KYNU: variants seen among roughly 807,000 people sequenced by gnomAD.
The protein encoded by KYNU is L-kynurenine hydrolase.
In KYNU, 54 loss-of-function variants were observed where a neutral mutation model predicts 59.2. That is an observed-to-expected ratio of 0.91 (90% CI 0.73 to 1.14). KYNU has a LOEUF of 1.14. Ranked by LOEUF, KYNU falls within the 50% of genes most tolerant of loss-of-function variation. KYNU has a pLI of 0.00. For synonymous variants in KYNU, 177 were observed against 192.0 expected (o/e 0.92, Z 0.65); for missense variants, 567 against 554.4 (o/e 1.02, Z -0.23).
At chr2:142,948,847 T>C (rs920146745) in intron 4 of KYNU, among the ~76,000 whole-genome samples, 1 of 152,186 alleles carries the variant, frequency 6.6e-6, no homozygotes, top group African/African-American at 2.4e-5. Flanking sequence ...CTTAACTCAT[T>C]CCAGCATTAA....
chr2:142,900,761 T>C (rs1309639051), intron 2 of KYNU, among the ~76,000 whole-genome samples: 1 of 152,100 alleles, frequency 6.6e-6, no homozygotes, highest in African/African-American at 2.4e-5. Flanking sequence ...TCCTGCTGAA[T>C]TGGGGTGTAG....
intron 10 of KYNU, among the ~76,000 whole-genome samples, chr2:143,022,383 CATA>C (rs1417197173): frequency 6.6e-6 from 1 of 151,940 alleles, no homozygotes; most frequent in East Asian, 1.9e-4. Flanking sequence ...CCCTACTGTT[CATA>C]ATGTGTTGTT....
At position 142,975,510 on chromosome 2, in the gene KYNU, G is replaced by C. The variant is rs1279760228; in HGVS notation, c.730-9574G>C. Among the ~76,000 whole-genome samples, 3 of 152,114 alleles carry C rather than the reference G, an allele frequency of 2.0e-5. No homozygotes were observed. In the East Asian group the frequency reaches 5.8e-4, roughly 29 times the overall value. On this transcript the variant is annotated intron_variant, in intron 8 of 13. Transcript: ENST00000264170. ...CTCCACACTGAGCTTGTTAACATTT[G>C]GCCATCCATGGAAGGCAACTGCTGA...
chr2:142,895,037 C>T (rs1226812247), intron 2 of KYNU, among the ~76,000 whole-genome samples: 1 of 152,186 alleles, frequency 6.6e-6, no homozygotes, highest in Non-Finnish European at 1.5e-5. Flanking sequence ...AAGATCTGCT[C>T]TTATCCCCCA....
intron 11 of KYNU, among the ~76,000 whole-genome samples, chr2:143,032,463 G>T (rs1260624273): frequency 6.6e-6 from 1 of 152,058 alleles, no homozygotes; most frequent in Non-Finnish European, 1.5e-5. Flanking sequence ...AGATTTGGGT[G>T]GGGACTCAGA....
chr2:142,916,544 G>A (rs1292487004), intron 2 of KYNU, among the ~76,000 whole-genome samples: 2 of 152,118 alleles, frequency 1.3e-5, no homozygotes, highest in South Asian at 2.1e-4. Flanking sequence ...CCTGCCTGCT[G>A]GGTATTAACA....
chr2:142,947,288 C>T, intron 4 of KYNU: 1 of 1,454,200 alleles, frequency 6.9e-7, no homozygotes, highest in Non-Finnish European at 9.4e-7. Context: ...TCACTTAAAA[C>T]TCACCACTAC....
intron 8 of KYNU, among the ~76,000 whole-genome samples, chr2:142,965,916 T>C (rs958885508): frequency 6.6e-6 from 1 of 152,178 alleles, no homozygotes; most frequent in Non-Finnish European, 1.5e-5. Context: ...TTCCTTTTTT[T>C]CTATCCCTTT....
chr2:142,913,124 T>C (rs1682553950), intron 2 of KYNU, among the ~76,000 whole-genome samples: 1 of 152,226 alleles, frequency 6.6e-6, no homozygotes, highest in South Asian at 2.1e-4. Flanking sequence ...TCTGCTGATT[T>C]TGTTTATCCT....
At chr2:143,035,627 G>C (rs1210078050) in intron 12 of KYNU, among the ~76,000 whole-genome samples, 1 of 152,070 alleles carries the variant, frequency 6.6e-6, no homozygotes, top group Non-Finnish European at 1.5e-5. Flanking sequence ...GTCTTGCTCT[G>C]TTGTTCAGAC....
At chr2:142,994,624 A>G (rs1239309931) in intron 10 of KYNU, among the ~76,000 whole-genome samples, 1 of 152,052 alleles carries the variant, frequency 6.6e-6, no homozygotes, top group African/African-American at 2.4e-5. Context: ...AATGATCCCT[A>G]TGAAAATTCA....
intron 2 of KYNU, among the ~76,000 whole-genome samples, chr2:142,914,917 T>G (rs1389216088): frequency 6.6e-6 from 1 of 152,186 alleles, no homozygotes; most frequent in Non-Finnish European, 1.5e-5. Flanking sequence ...GGCCTTTATT[T>G]GCATATTAAA....
intron 4 of KYNU, among the ~76,000 whole-genome samples, chr2:142,944,757 AAGAT>A (rs763038492): frequency 1.4e-4 from 21 of 152,264 alleles, no homozygotes; most frequent in Non-Finnish European, 2.4e-4. Context: ...TGAACCAAAA[AAGAT>A]AGGCCAATTA....
chr2:143,035,437 T>C (rs1686868641), intron 12 of KYNU, among the ~76,000 whole-genome samples: 1 of 152,262 alleles, frequency 6.6e-6, no homozygotes, highest in Non-Finnish European at 1.5e-5. Context: ...TTTCCTACTG[T>C]AAATTGCAAA....
At position 143,029,542 on chromosome 2, in the gene KYNU, C is replaced by T. The variant is rs1030088124; in HGVS notation, c.903-85C>T. ...CAGAGGTGGCAGTGAGCTGAGATCA[C>T]GCCACTGCACTCCAGCCTAGGCAGC... On this transcript the variant is annotated intron_variant, in intron 10 of 13. Coordinates refer to ENST00000264170, the MANE Select transcript of KYNU (RefSeq NM_003937.3). 4.1e-4 allele frequency: 333 copies of T among 818,348 alleles called. 1 individual carries two copies. Among genetic ancestry groups the T allele is most frequent in the South Asian group, 3.4e-4 (25 of 73,404 alleles). 50.7% of individuals were successfully genotyped at this position (818,348 alleles called of 1,614,324 possible). A position where few individuals can be genotyped will look rare whatever the true frequency, so the allele number is the denominator to read the frequency against.
intron 4 of KYNU, among the ~76,000 whole-genome samples, chr2:142,931,230 G>A (rs941877901): frequency 1.3e-5 from 2 of 152,198 alleles, no homozygotes; most frequent in African/African-American, 4.8e-5. Context: ...AGGCCTCAGG[G>A]AGAATCGTAC....
intron 10 of KYNU, among the ~76,000 whole-genome samples, chr2:143,003,709 T>C (rs1558969747): frequency 6.6e-6 from 1 of 152,250 alleles, no homozygotes. Context: ...CCAGATGATA[T>C]GGGTTAGGTT....
At chr2:142,963,644 A>G (rs572759613) in intron 8 of KYNU, among the ~76,000 whole-genome samples, 22 of 152,332 alleles carry the variant, frequency 1.4e-4, no homozygotes, top group African/African-American at 4.3e-4. Context: ...TAAGGTTGTG[A>G]CATATAAAAT....
chr2:142,883,935 A>G (rs1159236265), intron 1 of KYNU, among the ~76,000 whole-genome samples: 2 of 152,254 alleles, frequency 1.3e-5, no homozygotes, highest in Non-Finnish European at 1.5e-5. Flanking sequence ...GAGTAAATAA[A>G]TGTATAAATT....
Sources: gnomAD v4.1 joint callset for allele counts (sites outside exome capture counted in the v4.1 genomes callset) on GRCh38, gnomAD v4.1.1 for gene constraint, MANE v1.5 for transcripts, NCBI Gene and HGNC (gene_info 2026-07-23, HGNC 2026-07-21) for gene names.